TBRG4: variants seen among roughly 807,000 people sequenced by gnomAD.
TBRG4 encodes FAST kinase domain-containing protein 4.
In TBRG4, 43 loss-of-function variants were observed where a neutral mutation model predicts 65.6. The observed-to-expected ratio is 0.66, with a 90% CI of 0.51 to 0.85. The LOEUF is 0.85. Ranked by LOEUF, TBRG4 falls within the 40% of genes least tolerant of loss-of-function variation. The pLI is 0.00. For synonymous variants in TBRG4, 366 were observed against 341.4 expected (o/e 1.07, Z -0.79); for missense variants, 709 against 787.9 (o/e 0.90, Z 1.20).
Position 45,111,695 on chromosome 7 carries a change from C to A in TBRG4, c.-103G>T, listed in dbSNP as rs1459452097. 6 of 1,289,244 alleles carry A rather than the reference C, an allele frequency of 4.7e-6. No individual in the cohort carries two copies. The African/African-American group carries it at 6.1e-5, about 13-fold the overall frequency. The allele number at this position is 1,289,244 out of a possible 1,614,324, so 79.9% of individuals were successfully genotyped here. On this transcript the variant is annotated 5_prime_UTR_variant, in exon 1 of 11. It removes an upstream start codon present in the reference 5' UTR. Transcript: ENST00000258770. ...CCGCCGCCCTAACTGTCCCCGGAAC[C>A]ATGAGGTGCGCGGCGCGCTTCCCTA...
At position 45,104,115 on chromosome 7, in the gene TBRG4, A is replaced by T. The variant is rs199830235; in HGVS notation, c.1049T>A (p.Phe350Tyr). The T allele has an allele frequency of 1.9e-6, 3 of 1,609,474 alleles. No individual in the cohort carries two copies. The East Asian group carries it at 6.7e-5, about 36-fold the overall frequency. The change falls in exon 5 of 11, where the codon TTT (phenylalanine) becomes TAT (tyrosine). Residue 350 changes from phenylalanine to tyrosine, a missense_variant. Coordinates refer to ENST00000258770, the MANE Select transcript of TBRG4 (RefSeq NM_004749.4). ...CTGGCTCACCTGGGCAAAGGCCTCAAACAGGGGCAGGCTGAGCCACTTGAG... is the reference window on the plus strand; with the variant it reads ...CTGGCTCACCTGGGCAAAGGCCTCATACAGGGGCAGGCTGAGCCACTTGAG... Reference protein sequence around the residue: ...ALLKWLSLPLFEAFAQHVLNR... With the variant: ...ALLKWLSLPLYEAFAQHVLNR...
Position 45,103,460 on chromosome 7 carries a change from T to C in TBRG4, c.1066-17A>G, listed in dbSNP as rs755959324. 3 of 1,594,372 alleles carry C rather than the reference T, an allele frequency of 1.9e-6. No individual in the cohort carries two copies. The highest frequency in any genetic ancestry group is 2.6e-6 in the Non-Finnish European group (3 of 1,167,094). ...CAGGACGTGCTGGGTGGGTCAGAAATAGCAGAGGGACAGAATAAGCTCTCT... is the reference window on the plus strand; with the variant it reads ...CAGGACGTGCTGGGTGGGTCAGAAACAGCAGAGGGACAGAATAAGCTCTCT... On this transcript the variant is annotated splice_polypyrimidine_tract_variant and intron_variant, in intron 5 of 10. Transcript: ENST00000258770.
chr7:45,106,018 C>T (rs752230805), intron 2 of TBRG4: 13 of 697,158 alleles, frequency 1.9e-5, no homozygotes, highest in South Asian at 1.6e-4. Flanking sequence ...GTAACAGGGC[C>T]TGTGAGTCAC....
At position 45,109,180 on chromosome 7, in the gene TBRG4, C is replaced by T; in HGVS notation, c.58G>A (p.Ala20Thr). ...CGGCCAACTGGAGCCATGGCAGGGG[C>T]CTGACGAGCAGCTTCTCTCAGGAGG... ...TCLLREAARQAPAMAPVGRLR... is the reference protein window; with the variant it reads ...TCLLREAARQTPAMAPVGRLR... Residue 20 changes from alanine (A) to threonine (T), a missense_variant, in exon 2 of 11, where the codon GCC becomes ACC. By Grantham distance (58) the Ala-to-Thr change is moderately conservative. Transcript: ENST00000258770. The T allele has an allele frequency of 6.2e-7, 1 of 1,613,368 alleles. No homozygotes were observed.
At chr7:45,101,730 CCTAGGTCAGTA>C in intron 8 of TBRG4, 84 bp downstream of exon 8, 2 of 1,597,276 alleles carry the variant, frequency 1.3e-6, no homozygotes, top group Non-Finnish European at 1.7e-6. Flanking sequence ...CCTGCAGCTC[CCTAGGTCAGTA>C]CTTGCTGCAG....
Position 45,102,381 on chromosome 7 carries a change from G to A in TBRG4, c.1287C>T (p.Ala429=), listed in dbSNP as rs751822571. The A allele has an allele frequency of 4.3e-6, 7 of 1,614,136 alleles. No homozygotes were observed. The East Asian group carries it at 8.9e-5, about 21-fold the overall frequency. Residue 429 remains alanine (A), a synonymous_variant, in exon 7 of 11, where the codon GCC becomes GCT. Coordinates refer to ENST00000258770, the MANE Select transcript of TBRG4 (RefSeq NM_004749.4). ...LQQAREAELQ[A]VLHPEFHIQF... ...GGATGTGAAATTCAGGGTGGAGGAC[G>A]GCTTGCAGCTCTGCTTCCCGTGCCT...
intron 6 of TBRG4, 185 bp downstream of exon 6, chr7:45,103,148 G>C: frequency 1.6e-6 from 1 of 614,252 alleles, no homozygotes; most frequent in Non-Finnish European, 2.9e-6. Context: ...CAGACAGCAG[G>C]ATTTCATGTG....
chr7:45,102,749 T>C (rs1417159311), intron 6 of TBRG4: 2 of 517,374 alleles, frequency 3.9e-6, no homozygotes, highest in Non-Finnish European at 6.8e-6. Flanking sequence ...GGCATTTGAT[T>C]AGGTTTACTA....
intron 7 of TBRG4, 128 bp downstream of exon 7, chr7:45,102,219 G>C: frequency 6.5e-7 from 1 of 1,547,044 alleles, no homozygotes; most frequent in Non-Finnish European, 8.7e-7. Context: ...GCCACCTACA[G>C]GGAGAGGATG....
chr7:45,103,106 AC>A lies in TBRG4; in HGVS notation c.1176+226del, dbSNP rs1584026511. 67 of 574,950 alleles carry A rather than the reference AC, an allele frequency of 1.2e-4. No homozygotes were observed. In the East Asian group the frequency reaches 1.8e-3, roughly 15 times the overall value. 35.6% of individuals were successfully genotyped at this position (574,950 alleles called of 1,614,324 possible). Reference sequence around the variant, plus strand: ...CATTAAAAGGAGCACCAGAGGCAGGACCCCCCAGCGCTGCCTGGCAGGGCAG... The same window carrying A: ...CATTAAAAGGAGCACCAGAGGCAGGACCCCCAGCGCTGCCTGGCAGGGCAG... On this transcript the variant is annotated intron_variant, in intron 6 of 10. Coordinates refer to ENST00000258770, the MANE Select transcript of TBRG4 (RefSeq NM_004749.4).
At position 45,101,358 on chromosome 7, in the gene TBRG4, C is replaced by A. The variant is rs765735124; in HGVS notation, c.1694G>T (p.Arg565Leu). ...GCTGTTGAAGTTGGGGAACTCCCACCGCAAGAACGCTAGCCTGGAAGGAAG... is the reference window on the plus strand; with the variant it reads ...GCTGTTGAAGTTGGGGAACTCCCACAGCAAGAACGCTAGCCTGGAAGGAAG... ...PPGSKRLAFL[R>L]WEFPNFNSRS... Residue 565 changes from arginine (R) to leucine (L), a missense_variant, in exon 10 of 11, where the codon CGG (arginine) becomes CTG (leucine). By Grantham distance (102) the Arg-to-Leu change is moderately radical (BLOSUM62 -2). Transcript: ENST00000258770. 1.9e-6 allele frequency: 3 copies of A among 1,613,980 alleles called. No individual in the cohort carries two copies. In the South Asian group the frequency reaches 3.3e-5, roughly 18 times the overall value.
intron 3 of TBRG4, 45 bp from the exon 4 acceptor site, chr7:45,104,754 G>T (rs1334238089): frequency 1.2e-6 from 2 of 1,600,448 alleles, no homozygotes; most frequent in East Asian, 2.2e-5. Flanking sequence ...GGCCTGGGGT[G>T]GCAGAGATGA....
intron 3 of TBRG4, 40 bp from the exon 4 acceptor site, chr7:45,104,749 G>C: frequency 6.2e-7 from 1 of 1,602,192 alleles, no homozygotes; most frequent in Non-Finnish European, 8.5e-7. Context: ...TCAATGGCCT[G>C]GGGTGGCAGA....
In TBRG4 at chr7:45,100,171, C is replaced by A. The variant is rs1468979240; in HGVS notation, c.*154G>T. 6.5e-6 allele frequency: 4 copies of A among 610,960 alleles called. No homozygotes were observed. The highest frequency in any genetic ancestry group is 8.6e-6 in the Non-Finnish European group (3 of 350,668). The allele number at this position is 610,960 out of a possible 1,614,324, so 37.8% of individuals were successfully genotyped here. A position where few individuals can be genotyped will look rare whatever the true frequency, so the allele number is the denominator to read the frequency against. ...ACACCAAAATTAAAGGTTTATTATA[C>A]ACAAGAGGACGTTCTGTCCCTCAGA... On this transcript the variant is annotated 3_prime_UTR_variant, in exon 11 of 11. Coordinates refer to ENST00000258770, the MANE Select transcript of TBRG4 (RefSeq NM_004749.4).
rs548831325 is a variant in TBRG4 at position 45,105,144 on chromosome 7, C to G, written c.735+297G>C. 7.0e-4 allele frequency: 458 copies of G among 649,768 alleles called. 2 individuals are homozygous for G. The highest frequency in any genetic ancestry group is 1.1e-3 in the Non-Finnish European group (387 of 351,882). The allele number at this position is 649,768 out of a possible 1,614,324, so 40.3% of individuals were successfully genotyped here. On this transcript the variant is annotated intron_variant, in intron 3 of 10. Transcript: ENST00000258770. Reference sequence around the variant, plus strand: ...ACTTCAGGAGCTGCCTGCCATGCCCCCCTCTCAAGATCGTGCTGTGATGGG... The same window carrying G: ...ACTTCAGGAGCTGCCTGCCATGCCCGCCTCTCAAGATCGTGCTGTGATGGG...
At chr7:45,105,006 T>C in intron 3 of TBRG4, 1 of 736,664 alleles carries the variant, frequency 1.4e-6, no homozygotes, top group South Asian at 1.4e-5. Flanking sequence ...CAGCCCCCGC[T>C]ATGACAGAAA....
chr7:45,103,066 T>C (rs1216637188), intron 6 of TBRG4: 2 of 520,144 alleles, frequency 3.8e-6, no homozygotes, highest in East Asian at 6.8e-5. Context: ...CTGGAGCTTC[T>C]GAGCATCAAC....
In TBRG4 at chr7:45,108,919, G is replaced by A. The variant is rs1402191712; in HGVS notation, c.319C>T (p.Leu107Phe). 12 of 1,605,372 alleles carry A rather than the reference G, an allele frequency of 7.5e-6. No homozygotes were observed. The highest frequency in any genetic ancestry group is 9.3e-6 in the Non-Finnish European group (11 of 1,176,922). Residue 107 changes from leucine (L) to phenylalanine (F), a missense_variant, in exon 2 of 11, where the codon CTC becomes TTC. Physicochemically the swap from Leu to Phe is conservative, Grantham distance 22 (BLOSUM62 0). Transcript: ENST00000258770. The part of the protein sequence containing the change: ...SNQAAMVLIR[L>F]SHLLSEKPED... ...GGCTTCTCAGACAGCAAGTGAGAGA[G>A]CCGGATAAGTACCATTGCTGCTTGA...
rs11541074 is a variant in TBRG4 at position 45,109,271 on chromosome 7, G to A, written c.-34C>T. 1.3e-3 allele frequency: 1,936 copies of A among 1,536,408 alleles called. 23 individuals are homozygous for A. In the African/African-American group the frequency reaches 0.023, roughly 18 times the overall value. On this transcript the variant is annotated 5_prime_UTR_variant, in exon 2 of 11. Transcript: ENST00000258770. ...GGGTGGCAGAGAGACAAGACTCCTA[G>A]CAAGTGATTCCAAACCCTGAAGAGA... is the stretch of plus-strand genomic sequence containing the variant.
Sources: gnomAD v4.1 joint callset for allele counts on GRCh38, gnomAD v4.1.1 for gene constraint, MANE v1.5 for transcripts, NCBI Gene and HGNC (gene_info 2026-07-23, HGNC 2026-07-21) for gene names.